Variants in NAV2 observed in about 807,000 individuals in gnomAD.
The protein encoded by NAV2 is neuron navigator 2, also known as helicase, APC down-regulated 1.
Under a neutral mutation model 223.2 loss-of-function variants are expected in NAV2, and 54 were observed. The observed-to-expected ratio is 0.24, with a 90% CI of 0.19 to 0.30. NAV2 has a LOEUF of 0.30. Ranked by LOEUF, NAV2 falls within the 10% of genes least tolerant of loss-of-function variation. The probability of loss-of-function intolerance (pLI) is 1.00; values close to 1 mark genes in which losing one functional copy is unlikely to be tolerated. For synonymous variants in NAV2, 1,279 were observed against 1,239.3 expected, an observed-to-expected ratio of 1.03 and a Z score of -0.67; for missense variants, 2,806 against 3,147.5, an observed-to-expected ratio of 0.89 and a Z score of 2.60.
intron 6 of NAV2, among the ~76,000 whole-genome samples, chr11:19,927,642 G>A (rs917460626): frequency 6.6e-6 from 1 of 151,722 alleles, no homozygotes; most frequent in African/African-American, 2.4e-5. Context: ...AGCCGAGATT[G>A]CACCAGTGCA....
intron 12 of NAV2, among the ~76,000 whole-genome samples, chr11:20,042,324 C>T (rs2057000689): frequency 6.6e-6 from 1 of 152,016 alleles, no homozygotes; most frequent in South Asian, 2.1e-4. Context: ...AGCGTGTGTT[C>T]CTTGGCTCCT....
chr11:20,095,537 TG>T, intron 29 of NAV2, 134 bp from the exon 30 acceptor site: 1 of 664,472 alleles, frequency 1.5e-6, no homozygotes, highest in Non-Finnish European at 2.7e-6. Flanking sequence ...AAGTTATACC[TG>T]GTTTTAATAC....
chr11:19,829,943 G>T (rs2059837243), intron 1 of NAV2, among the ~76,000 whole-genome samples: 1 of 152,160 alleles, frequency 6.6e-6, no homozygotes, highest in Non-Finnish European at 1.5e-5. Flanking sequence ...TTTAAAATCT[G>T]GGACCGGGTG....
chr11:19,769,142 T>C (rs2055493362), intron 1 of NAV2, among the ~76,000 whole-genome samples: 1 of 152,200 alleles, frequency 6.6e-6, no homozygotes, highest in African/African-American at 2.4e-5. Context: ...AGAGTGTTTT[T>C]GAAAAATATA....
Position 20,027,161 on chromosome 11 carries a change from A to G in NAV2, c.2769-8798A>G, listed in dbSNP as rs143677282. ...TAGAGGAGATGATGCTCCCGAGAAA[A>G]CCTCCTGGGGAGGAAATAGTTAACA... On this transcript the variant is annotated intron_variant, in intron 11 of 37. Coordinates refer to ENST00000349880, the MANE Select transcript of NAV2 (RefSeq NM_145117.5). The G allele has an allele frequency of 4.7e-6, 3 of 633,154 alleles. No individual in the cohort carries two copies. The East Asian group carries it at 4.2e-4, about 89-fold the overall frequency. The allele number at this position is 633,154 out of a possible 1,614,324, so 39.2% of individuals were successfully genotyped here.
intron 1 of NAV2, among the ~76,000 whole-genome samples, chr11:19,396,524 G>A (rs990638313): frequency 2.0e-5 from 3 of 152,108 alleles, no homozygotes; most frequent in Non-Finnish European, 2.9e-5. Flanking sequence ...CCCCTATGGC[G>A]GCCACACTAT....
chr11:19,916,025 T>TA (rs1190008060), intron 6 of NAV2, among the ~76,000 whole-genome samples: 2 of 152,170 alleles, frequency 1.3e-5, no homozygotes, highest in African/African-American at 4.8e-5. Context: ...AAAATGGGGG[T>TA]ATAGCAGTAT....
intron 3 of NAV2, among the ~76,000 whole-genome samples, chr11:19,855,805 G>C (rs1344716413): frequency 2.0e-5 from 3 of 152,196 alleles, no homozygotes; most frequent in Non-Finnish European, 2.9e-5. Context: ...TTTGGATAGG[G>C]TGTTTCTTCC....
chr11:19,916,075 G>A (rs891750197), intron 6 of NAV2, among the ~76,000 whole-genome samples: 1 of 152,158 alleles, frequency 6.6e-6, no homozygotes, highest in Non-Finnish European at 1.5e-5. Context: ...ATTAGGTGAT[G>A]CAAGTACAAT....
chr11:19,414,581 T>C (rs973474954), intron 1 of NAV2, among the ~76,000 whole-genome samples: 12 of 152,212 alleles, frequency 7.9e-5, no homozygotes, highest in African/African-American at 2.9e-4. Flanking sequence ...AACTCAGCTC[T>C]GGACCAAGCA....
At chr11:19,655,376 G>A (rs2048089963) in intron 1 of NAV2, among the ~76,000 whole-genome samples, 1 of 152,180 alleles carries the variant, frequency 6.6e-6, no homozygotes, top group African/African-American at 2.4e-5. Flanking sequence ...ATTTGACCCA[G>A]CCATCCCATT....
chr11:19,490,633 G>A (rs1451439722), intron 1 of NAV2, among the ~76,000 whole-genome samples: 1 of 152,170 alleles, frequency 6.6e-6, no homozygotes, highest in Non-Finnish European at 1.5e-5. Context: ...CACATCTATA[G>A]TTACTTCTTC....
chr11:19,832,737 T>G, intron 2 of NAV2, 136 bp downstream of exon 2: 1 of 737,526 alleles, frequency 1.4e-6, no homozygotes, highest in Non-Finnish European at 2.4e-6. Context: ...ATTTGATTTG[T>G]GTTTTGACTA....
At chr11:19,803,687 G>A (rs920508682) in intron 1 of NAV2, among the ~76,000 whole-genome samples, 1 of 152,236 alleles carries the variant, frequency 6.6e-6, no homozygotes, top group Admixed American at 6.5e-5. Flanking sequence ...AGCACTTGGG[G>A]GATTCCCCCA....
At chr11:19,567,616 C>T (rs2045308036) in intron 1 of NAV2, among the ~76,000 whole-genome samples, 1 of 152,110 alleles carries the variant, frequency 6.6e-6, no homozygotes, top group Non-Finnish European at 1.5e-5. Context: ...TCTTGGTGAG[C>T]CAGGCCCCCC....
intron 2 of NAV2, among the ~76,000 whole-genome samples, chr11:19,836,955 C>T (rs892209746): frequency 6.6e-6 from 1 of 152,168 alleles, no homozygotes; most frequent in Non-Finnish European, 1.5e-5. Context: ...TAATCCTGTT[C>T]ATGAGATCTT....
At chr11:19,479,437 G>T (rs1023242909) in intron 1 of NAV2, among the ~76,000 whole-genome samples, 7 of 152,126 alleles carry the variant, frequency 4.6e-5, no homozygotes, top group African/African-American at 1.7e-4. Context: ...AGTACCATGT[G>T]CCAGATGCCG....
chr11:19,677,767 C>T (rs915640750), intron 1 of NAV2, among the ~76,000 whole-genome samples: 4 of 152,224 alleles, frequency 2.6e-5, no homozygotes, highest in Non-Finnish European at 5.9e-5. Flanking sequence ...TTTGTAAATA[C>T]GGTTTTATTG....
chr11:20,040,364 A>C (rs897859594), intron 12 of NAV2, among the ~76,000 whole-genome samples: 1 of 152,156 alleles, frequency 6.6e-6, no homozygotes, highest in African/African-American at 2.4e-5. Context: ...GAATAGAACC[A>C]CTGTTTATTG....
Sources: gnomAD v4.1 joint callset for allele counts (sites outside exome capture counted in the v4.1 genomes callset) on GRCh38, gnomAD v4.1.1 for gene constraint, MANE v1.5 for transcripts, NCBI Gene and HGNC (gene_info 2026-07-23, HGNC 2026-07-21) for gene names.